TRAT1: variants seen among roughly 807,000 people sequenced by gnomAD.
TRAT1 encodes T-cell receptor-associated transmembrane adapter 1.
In TRAT1, 20 loss-of-function variants were observed where a neutral mutation model predicts 20.0. The ratio of observed to expected loss-of-function variants is 1.00; its 90% CI spans 0.70 to 1.45. TRAT1 has a LOEUF of 1.45. Ranked by LOEUF, TRAT1 falls within the 40% of genes most tolerant of loss-of-function variation. The pLI, the probability that TRAT1 is intolerant of heterozygous loss-of-function variation, is 0.00. For missense variants in TRAT1, 237 were observed against 224.1 expected (o/e 1.06, Z -0.37); for synonymous variants, 77 against 74.2 (o/e 1.04, Z -0.20).
chr3:108,823,330 G>A (rs1260891524), intron 1 of TRAT1, among the ~76,000 whole-genome samples: 1 of 152,130 alleles, frequency 6.6e-6, no homozygotes, highest in Non-Finnish European at 1.5e-5. Context: ...TTTCTAGAAA[G>A]CAATGCAATT....
chr3:108,838,366 A>C (rs1945859169), intron 2 of TRAT1, among the ~76,000 whole-genome samples: 1 of 135,518 alleles, frequency 7.4e-6, no homozygotes, highest in African/African-American at 3.4e-5. Flanking sequence ...TGATAGATAG[A>C]TAGATAGATA....
intron 3 of TRAT1, among the ~76,000 whole-genome samples, chr3:108,846,665 T>C (rs926767591): frequency 2.6e-5 from 4 of 152,220 alleles, no homozygotes; most frequent in Non-Finnish European, 5.9e-5. Context: ...TTAGTCGTAA[T>C]CTTGAGCAAG....
intron 4 of TRAT1, among the ~76,000 whole-genome samples, chr3:108,848,167 A>T (rs1032849228): frequency 1.3e-5 from 2 of 152,138 alleles, no homozygotes; most frequent in Non-Finnish European, 2.9e-5. Flanking sequence ...CTACTTCCAT[A>T]CTTAAGTGAG....
chr3:108,847,653 G>T lies in TRAT1; in HGVS notation c.214+524G>T, dbSNP rs992075605. ...TTTATTTTGTTCTTATGTAATAAGC[G>T]CTCTTCAGTTCCCAGCATCCCTTAT... On this transcript the variant is annotated intron_variant, in intron 4 of 5. Transcript: ENST00000295756. Among the ~76,000 whole-genome samples the T allele has an allele frequency of 3.9e-5, 6 of 152,206 alleles. No homozygotes were observed. The South Asian group carries it at 1.2e-3, about 32-fold the overall frequency.
At chr3:108,829,323 C>T (rs1453998256) in intron 1 of TRAT1, among the ~76,000 whole-genome samples, 2 of 152,040 alleles carry the variant, frequency 1.3e-5, no homozygotes, top group Non-Finnish European at 2.9e-5. Context: ...GTGTCTCGCA[C>T]CTGTAATCCC....
At chr3:108,845,749 A>T (rs1200803907) in intron 3 of TRAT1, among the ~76,000 whole-genome samples, 1 of 151,366 alleles carries the variant, frequency 6.6e-6, no homozygotes, top group African/African-American at 2.4e-5. Context: ...TCTCAGTGAC[A>T]TGTAATCTCA....
At chr3:108,853,117 T>C (rs1946011283) in intron 5 of TRAT1, among the ~76,000 whole-genome samples, 1 of 152,222 alleles carries the variant, frequency 6.6e-6, no homozygotes, top group Admixed American at 6.5e-5. Context: ...TAAGTGAATA[T>C]TGTTATCTTT....
intron 1 of TRAT1, 41 bp from the exon 2 acceptor site, chr3:108,830,629 A>T (rs774637258): frequency 8.2e-7 from 1 of 1,213,990 alleles, no homozygotes; most frequent in South Asian, 1.2e-5. Flanking sequence ...CAAATGGGTA[A>T]GCAGCTGTTA....
At chr3:108,842,633 G>A (rs570877019) in intron 3 of TRAT1, among the ~76,000 whole-genome samples, 4 of 152,210 alleles carry the variant, frequency 2.6e-5, no homozygotes, top group South Asian at 4.1e-4. Context: ...TGAGAATTTC[G>A]GGGTTCCCCA....
intron 2 of TRAT1, among the ~76,000 whole-genome samples, chr3:108,836,807 G>A (rs1306679527): frequency 6.6e-6 from 1 of 152,090 alleles, no homozygotes; most frequent in Non-Finnish European, 1.5e-5. Context: ...GTTGTCACAG[G>A]GCAAATGCAT....
At chr3:108,828,713 G>A (rs948351739) in intron 1 of TRAT1, among the ~76,000 whole-genome samples, 5 of 152,168 alleles carry the variant, frequency 3.3e-5, no homozygotes, top group African/African-American at 4.8e-5. Flanking sequence ...AGGCCCAAAT[G>A]TGGAAAATTG....
At chr3:108,833,335 T>C (rs1945811631) in intron 2 of TRAT1, among the ~76,000 whole-genome samples, 1 of 152,112 alleles carries the variant, frequency 6.6e-6, no homozygotes, top group African/African-American at 2.4e-5. Flanking sequence ...GGAGAATCGC[T>C]TAAACCCAGG....
At chr3:108,851,972 A>G (rs960546011) in intron 5 of TRAT1, among the ~76,000 whole-genome samples, 6 of 152,348 alleles carry the variant, frequency 3.9e-5, no homozygotes, top group Middle Eastern at 3.4e-3. Flanking sequence ...ACAACAGTAT[A>G]TGGCAGTGGG....
chr3:108,839,581 G>A (rs1234336625), intron 3 of TRAT1, among the ~76,000 whole-genome samples: 2 of 151,826 alleles, frequency 1.3e-5, no homozygotes, highest in Non-Finnish European at 2.9e-5. Context: ...GGGAGGCGGA[G>A]GTTGCAGTGA....
intron 5 of TRAT1, among the ~76,000 whole-genome samples, chr3:108,850,965 G>A (rs1945993065): frequency 2.0e-5 from 3 of 152,130 alleles, no homozygotes; most frequent in Non-Finnish European, 4.4e-5. Flanking sequence ...TTAAAAGCCT[G>A]CTCTTTTGTA....
Position 108,849,154 on chromosome 3 carries a change from T to G in TRAT1, c.215-12T>G, listed in dbSNP as rs1394591397. The G allele has an allele frequency of 6.2e-7, 1 of 1,607,028 alleles. No individual in the cohort carries two copies. The highest frequency in any genetic ancestry group is 8.5e-7 in the Non-Finnish European group (1 of 1,175,946). ...TTTTCTATTGTGAATCACAATCTTT[T>G]TAATTCCCAAGAACCAATGGATGAA... On this transcript the variant is annotated splice_polypyrimidine_tract_variant and intron_variant, in intron 4 of 5. Coordinates refer to ENST00000295756, the MANE Select transcript of TRAT1 (RefSeq NM_016388.4).
chr3:108,836,324 T>C (rs1945842078), intron 2 of TRAT1, among the ~76,000 whole-genome samples: 1 of 152,234 alleles, frequency 6.6e-6, no homozygotes, highest in African/African-American at 2.4e-5. Flanking sequence ...AACATTAGCC[T>C]GTTTGGGGAA....
intron 2 of TRAT1, among the ~76,000 whole-genome samples, chr3:108,833,227 G>C (rs957458976): frequency 7.9e-5 from 12 of 152,106 alleles, no homozygotes; most frequent in Non-Finnish European, 2.9e-5. Context: ...AGACCAGCCT[G>C]GTCAACATGG....
chr3:108,845,343 T>C (rs928412550), intron 3 of TRAT1, among the ~76,000 whole-genome samples: 3 of 152,232 alleles, frequency 2.0e-5, no homozygotes, highest in Non-Finnish European at 4.4e-5. Flanking sequence ...TTGGACATGA[T>C]TTATCATTTG....
Sources: gnomAD v4.1 joint callset for allele counts (sites outside exome capture counted in the v4.1 genomes callset) on GRCh38, gnomAD v4.1.1 for gene constraint, MANE v1.5 for transcripts, NCBI Gene and HGNC (gene_info 2026-07-23, HGNC 2026-07-21) for gene names.